ZNF30: variants seen among roughly 807,000 people sequenced by gnomAD.
ZNF30 encodes the protein zinc finger protein 30.
Under a neutral mutation model 13.2 loss-of-function variants are expected in ZNF30, and 15 were observed. The observed-to-expected ratio is 1.13, with a 90% CI of 0.76 to 1.75. The LOEUF is 1.75. Among genes scored for constraint, ZNF30 ranks in the 40% most tolerant of loss-of-function variants. The pLI is 0.00. For missense variants in ZNF30, 726 were observed against 757.0 expected, an observed-to-expected ratio of 0.96 and a Z score of 0.48; for synonymous variants, 223 against 256.6, an observed-to-expected ratio of 0.87 and a Z score of 1.25.
In ZNF30 at chr19:34,943,882, C is replaced by A; in HGVS notation, c.916C>A (p.His306Asn). Residue 306 changes from histidine to asparagine, a missense_variant, in exon 5 of 5, where the codon CAT (histidine) becomes AAT (asparagine). Coordinates refer to ENST00000601142, the MANE Select transcript of ZNF30 (RefSeq NM_194325.3). The part of the protein sequence containing the change: ...AFSTSSPLAK[H>N]QRIHTGEKPY... ...TAGCACTAGCTCACCCCTTGCTAAGCATCAGAGAATTCATACTGGCGAGAA... is the reference window on the plus strand; with the variant it reads ...TAGCACTAGCTCACCCCTTGCTAAGAATCAGAGAATTCATACTGGCGAGAA... 6.2e-7 allele frequency: 1 copy of A among 1,614,166 alleles called. No homozygotes were observed. Among genetic ancestry groups the A allele is most frequent in the Non-Finnish European group, 8.5e-7 (1 of 1,180,036 alleles).
chr19:34,925,772 T>C (rs1300125567), upstream of ZNF30, among the ~76,000 whole-genome samples: 1 of 152,066 alleles, frequency 6.6e-6, no homozygotes, highest in Admixed American at 6.5e-5. Context: ...TTCCATATCA[T>C]TTAAAGGGAC....
intron 4 of ZNF30, among the ~76,000 whole-genome samples, chr19:34,937,673 G>A (rs989931498): frequency 5.9e-5 from 9 of 151,862 alleles, no homozygotes; most frequent in Non-Finnish European, 1.3e-4. Context: ...GTTCGAGGCT[G>A]CAGTGAGTCT....
chr19:34,936,388 A>G (rs911229104), intron 4 of ZNF30, among the ~76,000 whole-genome samples: 1 of 152,208 alleles, frequency 6.6e-6, no homozygotes, highest in Admixed American at 6.5e-5. Context: ...AGGGAAATCA[A>G]GAAGGATCAA....
intron 4 of ZNF30, among the ~76,000 whole-genome samples, chr19:34,935,954 C>A (rs1162940986): frequency 3.3e-5 from 5 of 151,992 alleles, no homozygotes; most frequent in African/African-American, 1.2e-4. Context: ...TACATGGCAG[C>A]AGACAAGAGA....
Position 34,944,583 on chromosome 19 carries a change from C to T in ZNF30, c.1617C>T (p.Pro539=), listed in dbSNP as rs751217470. The T allele has an allele frequency of 1.8e-5, 29 of 1,614,112 alleles. No homozygotes were observed. The highest frequency in any genetic ancestry group is 2.5e-5 in the Non-Finnish European group (29 of 1,179,992). ...QHQRIHTGEK[P]YECNKCGKAF... The stretch of plus-strand genomic sequence containing the variant: ...AAAGAATTCATACTGGGGAGAAACC[C>T]TATGAATGTAACAAATGTGGGAAAG... Residue 539 remains proline (P), a synonymous_variant, in exon 5 of 5, where the codon CCC becomes CCT. Coordinates refer to ENST00000601142, the MANE Select transcript of ZNF30 (RefSeq NM_194325.3).
In ZNF30 at chr19:34,944,671, G is replaced by T. The variant is rs755626847; in HGVS notation, c.1705G>T (p.Glu569Ter). ...QSVHTGEKPF[E>*]CKECGKAFRL... ...TGTTCACACTGGTGAGAAACCTTTT[G>T]AATGTAAGGAATGCGGGAAGGCCTT... Residue 569 changes from glutamate to a stop codon, truncating the protein, a stop_gained, in exon 5 of 5, where the codon GAA (glutamate) becomes TAA (stop). Coordinates refer to ENST00000601142, the MANE Select transcript of ZNF30 (RefSeq NM_194325.3). LOFTEE classifies it high-confidence loss of function. The T allele has an allele frequency of 6.2e-7, 1 of 1,612,576 alleles. No individual in the cohort carries two copies. Among genetic ancestry groups the T allele is most frequent in the Non-Finnish European group, 8.5e-7 (1 of 1,178,826 alleles).
intron 4 of ZNF30, among the ~76,000 whole-genome samples, chr19:34,941,540 C>T (rs1294242703): frequency 1.3e-5 from 2 of 152,156 alleles, no homozygotes; most frequent in Admixed American, 6.5e-5. Flanking sequence ...GGATTACAGG[C>T]GTGAGCCACT....
At chr19:34,935,714 T>G (rs1053102584) in intron 4 of ZNF30, among the ~76,000 whole-genome samples, 34 of 150,522 alleles carry the variant, frequency 2.3e-4, no homozygotes, top group South Asian at 6.3e-4. Flanking sequence ...TTTTTTTTTT[T>G]TTTTTTTTTT....
At chr19:34,929,389 A>G (rs1043089206) in intron 1 of ZNF30, among the ~76,000 whole-genome samples, 5 of 152,244 alleles carry the variant, frequency 3.3e-5, no homozygotes, top group African/African-American at 9.6e-5. Flanking sequence ...GGACAACCAC[A>G]TGTTGGAGCT....
At chr19:34,932,077 T>C (rs1342714611) in intron 3 of ZNF30, 84 bp downstream of exon 3, 2 of 1,221,638 alleles carry the variant, frequency 1.6e-6, no homozygotes, top group Non-Finnish European at 2.2e-6. Context: ...GCTTAAGAAC[T>C]GAACACGATT....
At chr19:34,924,619 C>T (rs114691600), upstream of ZNF30, among the ~76,000 whole-genome samples, 871 of 152,296 alleles carry the variant, frequency 5.7e-3, 21 homozygotes, top group African/African-American at 0.02. Flanking sequence ...TGATCAGTGA[C>T]CACAGCCAGT....
intron 1 of ZNF30, among the ~76,000 whole-genome samples, chr19:34,928,252 T>TATATATATATATAG (rs1325117057): frequency 7.3e-4 from 41 of 56,508 alleles, no homozygotes; most frequent in African/African-American, 1.3e-3. Flanking sequence ...TATATATATA[T>TATATATATATATAG]ATAGATAGAT....
chr19:34,926,267 C>CAAAA (rs2012070963), upstream of ZNF30, among the ~76,000 whole-genome samples: 1 of 152,142 alleles, frequency 6.6e-6, no homozygotes, highest in Middle Eastern at 3.2e-3. Flanking sequence ...TTACATAAAC[C>CAAAA]AAAAGAAGAA....
chr19:34,942,882 A>G (rs1330123405), intron 4 of ZNF30, among the ~76,000 whole-genome samples: 1 of 152,214 alleles, frequency 6.6e-6, no homozygotes, highest in Non-Finnish European at 1.5e-5. Flanking sequence ...TCTGCATCAG[A>G]AACATTTGTT....
chr19:34,942,447 AAAAAAAAGAAAAG>A (rs1289546322), intron 4 of ZNF30: 1 of 361,130 alleles, frequency 2.8e-6, no homozygotes, highest in Non-Finnish European at 4.8e-6. Flanking sequence ...CCTATCCAAA[AAAAAAAAGAAAAG>A]AAAAAAAGAA....
chr19:34,929,988 A>G, intron 2 of ZNF30, 32 bp downstream of exon 2: 1 of 1,593,360 alleles, frequency 6.3e-7, no homozygotes, highest in Non-Finnish European at 8.6e-7. Context: ...AAATATGGGG[A>G]TTTTTATATT....
chr19:34,937,235 A>G (rs1380792024), intron 4 of ZNF30, among the ~76,000 whole-genome samples: 1 of 151,608 alleles, frequency 6.6e-6, no homozygotes, highest in African/African-American at 2.4e-5. Context: ...TCGGTTTCGA[A>G]CTCCTGACCT....
chr19:34,929,293 T>TAAAAC (rs372368021), intron 1 of ZNF30, among the ~76,000 whole-genome samples: 1,917 of 152,184 alleles, frequency 0.013, 41 homozygotes, highest in African/African-American at 0.043. Context: ...TCTCAAAAAA[T>TAAAAC]AAAACAAAAC....
chr19:34,931,271 G>A (rs1024523372), intron 2 of ZNF30, among the ~76,000 whole-genome samples: 1 of 151,950 alleles, frequency 6.6e-6, no homozygotes, highest in African/African-American at 2.4e-5. Context: ...TCCTGACCTC[G>A]TGTGATCCAC....
Sources: gnomAD v4.1 joint callset for allele counts (sites outside exome capture counted in the v4.1 genomes callset) on GRCh38, gnomAD v4.1.1 for gene constraint, MANE v1.5 for transcripts, NCBI Gene and HGNC (gene_info 2026-07-23, HGNC 2026-07-21) for gene names.